Variants in PHF24 observed in about 807,000 individuals in gnomAD.
The protein encoded by PHF24 is PHD finger protein 24.
PHF24 carries 25 observed loss-of-function variants against 42.6 expected under a neutral mutation model. That is an observed-to-expected ratio of 0.59 (90% CI 0.43 to 0.82). The LOEUF is 0.82. Ranked by LOEUF, PHF24 falls within the 40% of genes least tolerant of loss-of-function variation. The pLI is 0.00. For synonymous variants in PHF24, 185 were observed against 204.8 expected (o/e 0.90, Z 0.83); for missense variants, 470 against 538.1 (o/e 0.87, Z 1.25).
At chr9:34,893,951 A>G in the PHF24 span, among the ~76,000 whole-genome samples, 1 of 152,234 alleles carries the variant, frequency 6.6e-6, no homozygotes, top group East Asian at 1.9e-4. Context: ...TCTTTTGGGA[A>G]TCAATCCTGT....
chr9:34,846,478 C>T, the PHF24 span, among the ~76,000 whole-genome samples: 2 of 151,790 alleles, frequency 1.3e-5, no homozygotes, highest in African/African-American at 4.8e-5. Flanking sequence ...TGTTTGAGTT[C>T]ATTGTAGATG....
At chr9:34,887,201 A>C in the PHF24 span, among the ~76,000 whole-genome samples, 20 of 152,236 alleles carry the variant, frequency 1.3e-4, no homozygotes, top group Non-Finnish European at 2.9e-5. Context: ...CAGCATCTAA[A>C]TGCCTGTAAT....
chr9:34,812,412 A>C, the PHF24 span, among the ~76,000 whole-genome samples: 2 of 152,240 alleles, frequency 1.3e-5, no homozygotes, highest in African/African-American at 4.8e-5. Flanking sequence ...AAGAATCTCT[A>C]TATGACCTGG....
the PHF24 span, among the ~76,000 whole-genome samples, chr9:34,676,698 T>G: frequency 2.0e-5 from 3 of 152,226 alleles, no homozygotes; most frequent in African/African-American, 4.8e-5. Flanking sequence ...CTCACAGTTC[T>G]GCAAGCAATA....
chr9:34,966,384 T>C (rs1826768390), intron 1 of PHF24, among the ~76,000 whole-genome samples: 1 of 152,130 alleles, frequency 6.6e-6, no homozygotes, highest in Admixed American at 6.5e-5. Context: ...CCCAGAGTTA[T>C]CAACAAGTCT....
At chr9:34,707,151 G>A in the PHF24 span, among the ~76,000 whole-genome samples, 1 of 152,212 alleles carries the variant, frequency 6.6e-6, no homozygotes, top group Non-Finnish European at 1.5e-5. Context: ...TGACAGGACT[G>A]TTGAGTAGAT....
chr9:34,949,798 A>G, the PHF24 span, among the ~76,000 whole-genome samples: 8 of 152,010 alleles, frequency 5.3e-5, no homozygotes, highest in African/African-American at 1.7e-4. Flanking sequence ...GAGCTGAACA[A>G]TGAGAACACA....
chr9:34,898,108 G>A, the PHF24 span, among the ~76,000 whole-genome samples: 147,049 of 152,292 alleles, frequency 0.97, 71,061 homozygotes, highest in Non-Finnish European at 0.99. Context: ...ACGTTTTTGC[G>A]ATTGCAAATT....
the PHF24 span, among the ~76,000 whole-genome samples, chr9:34,777,863 T>A: frequency 1.3e-5 from 2 of 152,172 alleles, no homozygotes; most frequent in African/African-American, 4.8e-5. Flanking sequence ...TGGAGCAGTG[T>A]CATTTCACAA....
At chr9:34,870,071 A>G in the PHF24 span, among the ~76,000 whole-genome samples, 3 of 151,976 alleles carry the variant, frequency 2.0e-5, no homozygotes, top group African/African-American at 7.3e-5. Context: ...TATTTTTTAG[A>G]GCAGTTTTAG....
the PHF24 span, among the ~76,000 whole-genome samples, chr9:34,752,624 C>G: frequency 6.6e-6 from 1 of 152,094 alleles, no homozygotes; most frequent in South Asian, 2.1e-4. Context: ...AGAACTAATA[C>G]CAATCCTACT....
the PHF24 span, among the ~76,000 whole-genome samples, chr9:34,817,020 T>A: frequency 2.0e-5 from 3 of 152,210 alleles, no homozygotes; most frequent in Admixed American, 1.3e-4. Flanking sequence ...TGTGTATAGA[T>A]CCAATAATAG....
the PHF24 span, among the ~76,000 whole-genome samples, chr9:34,803,337 A>G: frequency 6.6e-6 from 1 of 152,090 alleles, no homozygotes; most frequent in Non-Finnish European, 1.5e-5. Flanking sequence ...ATCTTGAGCT[A>G]TCAAGTCAAT....
At chr9:34,743,031 C>A in the PHF24 span, among the ~76,000 whole-genome samples, 235 of 152,292 alleles carry the variant, frequency 1.5e-3, no homozygotes, top group Non-Finnish European at 2.6e-3. Flanking sequence ...TAGTATTTCA[C>A]AATGTGGCTT....
the PHF24 span, among the ~76,000 whole-genome samples, chr9:34,822,754 C>A: frequency 6.6e-6 from 1 of 152,130 alleles, no homozygotes; most frequent in African/African-American, 2.4e-5. Flanking sequence ...CAGAGTACAG[C>A]CAAAGAATCT....
chr9:34,972,906 C>CT (rs1399098667), intron 3 of PHF24, among the ~76,000 whole-genome samples: 18 of 123,852 alleles, frequency 1.5e-4, no homozygotes, highest in Non-Finnish European at 2.3e-4. Flanking sequence ...GAGCGAGACT[C>CT]TGTCTCGAAA....
chr9:34,881,369 C>G, the PHF24 span, among the ~76,000 whole-genome samples: 1 of 152,018 alleles, frequency 6.6e-6, no homozygotes, highest in African/African-American at 2.4e-5. Flanking sequence ...CAGAGCAGAA[C>G]TGAAGGAGAT....
chr9:34,943,884 T>C, the PHF24 span, among the ~76,000 whole-genome samples: 1 of 152,226 alleles, frequency 6.6e-6, no homozygotes, highest in Admixed American at 6.5e-5. Context: ...TATCAGCCCC[T>C]GAACTGCAGA....
At chr9:34,807,443 A>G in the PHF24 span, among the ~76,000 whole-genome samples, 1 of 152,248 alleles carries the variant, frequency 6.6e-6, no homozygotes, top group Admixed American at 6.5e-5. Flanking sequence ...GGCCTAAAAA[A>G]AGATTCAAGA....
Sources: gnomAD v4.1 joint callset for allele counts (sites outside exome capture counted in the v4.1 genomes callset) on GRCh38, gnomAD v4.1.1 for gene constraint, MANE v1.5 for transcripts, NCBI Gene and HGNC (gene_info 2026-07-23, HGNC 2026-07-21) for gene names.